CCDC74B: variants seen among roughly 807,000 people sequenced by gnomAD.
The protein encoded by CCDC74B is coiled-coil domain containing 74B, also known as coiled-coil domain-containing protein 74B.
A neutral mutation model predicts 38.0 loss-of-function variants in CCDC74B; 34 were observed. The ratio of observed to expected loss-of-function variants is 0.89; its 90% CI spans 0.68 to 1.19. The LOEUF (loss-of-function observed/expected upper bound fraction) is 1.19. CCDC74B is among the 50% of genes most tolerant of loss of function. The pLI is 0.00. For synonymous variants in CCDC74B, 132 were observed against 170.4 expected (o/e 0.77, Z 1.76); for missense variants, 358 against 406.0 (o/e 0.88, Z 1.02).
Position 130,144,332 on chromosome 2 carries a change from G to A in CCDC74B, c.250+415C>T, listed in dbSNP as rs551474220. On this transcript the variant is annotated intron_variant, in intron 1 of 7. Transcript: ENST00000409943. ...CTTTTTGTATTTTTAGTAGAGACGGGGTTTCACCGTGTTAGCCAGGATGGT... is the reference window on the plus strand; with the variant it reads ...CTTTTTGTATTTTTAGTAGAGACGGAGTTTCACCGTGTTAGCCAGGATGGT... 149 of 655,886 alleles carry A rather than the reference G, an allele frequency of 2.3e-4. 3 individuals are homozygous for A. The highest frequency in any genetic ancestry group is 2.2e-3 in the South Asian group (146 of 64,906). 40.6% of individuals were successfully genotyped at this position (655,886 alleles called of 1,614,324 possible).
In CCDC74B at chr2:130,145,088, G is replaced by C. The variant is rs2104773414; in HGVS notation, c.-92C>G. ...TGGCGCCCCGTCACCATGGAAACCGGGCGACGGAGGGCGCCAGGCGTTTGG... is the reference window on the plus strand; with the variant it reads ...TGGCGCCCCGTCACCATGGAAACCGCGCGACGGAGGGCGCCAGGCGTTTGG... On this transcript the variant is annotated 5_prime_UTR_variant, in exon 1 of 8. Transcript: ENST00000409943. The C allele has an allele frequency of 7.1e-7, 1 of 1,399,788 alleles. No homozygotes were observed. Among genetic ancestry groups the C allele is most frequent in the Admixed American group, 3.5e-5 (1 of 28,904 alleles). 86.7% of individuals were successfully genotyped at this position (1,399,788 alleles called of 1,614,324 possible). A position where few individuals can be genotyped will look rare whatever the true frequency, so the allele number is the denominator to read the frequency against.
rs748850887 is a variant in CCDC74B, at chr2:130,142,152, G to C, written c.327C>G (p.Val109=). The stretch of plus-strand genomic sequence containing the variant: ...GCTCACCTGAATTAGAGATGGACTT[G>C]ACAGACTGGAAGCTTGACGTGGAGA... ...DSLSTSSFQS[V]KSISNSGKAR... is the part of the protein sequence containing the mutation. The change falls in exon 3 of 8, where the codon GTC becomes GTG. Residue 109 remains valine (V), a synonymous_variant. Transcript: ENST00000409943. 2.5e-6 allele frequency: 4 copies of C among 1,613,610 alleles called. No homozygotes were observed. The highest frequency in any genetic ancestry group is 1.3e-5 in the African/African-American group (1 of 74,940).
Position 130,142,179 on chromosome 2 carries a change from G to A in CCDC74B, c.300C>T (p.Ser100=). 1.2e-6 allele frequency: 2 copies of A among 1,613,584 alleles called. No individual in the cohort carries two copies. The highest frequency in any genetic ancestry group is 1.3e-5 in the African/African-American group (1 of 75,022). The change falls in exon 3 of 8, where the codon AGC becomes AGT. Residue 100 remains serine, a synonymous_variant. Transcript: ENST00000409943. ...CAGACTGGAAGCTTGACGTGGAGAG[G>A]CTGTCTGCAGGAGAGCGCACAGTGT... ...IMNQTSQKKD[S]LSTSSFQSVK... is the part of the protein sequence containing the mutation.
intron 3 of CCDC74B, chr2:130,141,838 A>G: frequency 1.7e-6 from 1 of 581,198 alleles, no homozygotes; most frequent in Non-Finnish European, 2.9e-6. Context: ...CAGCCAGGGT[A>G]CGTCCTCCCT....
intron 1 of CCDC74B, among the ~76,000 whole-genome samples, chr2:130,143,734 G>A (rs755452683): frequency 1.1e-4 from 17 of 152,094 alleles, no homozygotes; most frequent in Non-Finnish European, 2.2e-4. Flanking sequence ...GGGAAGCGGG[G>A]TCCTGACAAA....
chr2:130,143,016 G>T, intron 2 of CCDC74B: 1 of 1,496,230 alleles, frequency 6.7e-7, no homozygotes, highest in Non-Finnish European at 8.9e-7. Context: ...GGTCTGGGGA[G>T]CACCCTGTGC....
chr2:130,139,731 C>A (rs2599952), intron 7 of CCDC74B, 41 bp from the exon 8 acceptor site: 10 of 1,611,058 alleles, frequency 6.2e-6, no homozygotes, highest in East Asian at 2.2e-5. Context: ...AGCATCCTCG[C>A]GAGTGGAGTG....
rs1040697006 is a variant in CCDC74B, at chr2:130,141,853, G to A, written c.346+280C>T. 12 of 665,320 alleles carry A rather than the reference G, an allele frequency of 1.8e-5. 1 individual carries two copies. The highest frequency in any genetic ancestry group is 5.5e-5 in the African/African-American group (3 of 54,988). 41.2% of individuals were successfully genotyped at this position (665,320 alleles called of 1,614,324 possible). ...CAGCCAGGGTACGTCCTCCCTAGGC[G>A]GCCACCCGGGGAGGCCCCTCCTGCC... On this transcript the variant is annotated intron_variant, in intron 3 of 7. Transcript: ENST00000409943.
At chr2:130,144,725 C>T (rs1573643578) in intron 1 of CCDC74B, 22 bp downstream of exon 1, 1 of 1,610,152 alleles carries the variant, frequency 6.2e-7, no homozygotes. Context: ...CAGGGCCGGC[C>T]TAGGGCCCCG....
Position 130,140,010 on chromosome 2 carries a change from A to C in CCDC74B, c.752+13T>G. The C allele has an allele frequency of 6.2e-7, 1 of 1,602,636 alleles. No homozygotes were observed. The highest frequency in any genetic ancestry group is 1.1e-5 in the South Asian group (1 of 89,282). ...GCCCCCAGGGATGGGGCAGGGGTGC[A>C]CCAGGCACTCACCTGGGAAAGCTAG... On this transcript the variant is annotated intron_variant, in intron 6 of 7. Coordinates refer to ENST00000409943, the MANE Select transcript of CCDC74B (RefSeq NM_001258307.2).
intron 4 of CCDC74B, chr2:130,140,792 G>C: frequency 3.5e-6 from 1 of 282,104 alleles, no homozygotes. Flanking sequence ...ACTCTGACCT[G>C]CTGGCCTAGT....
intron 3 of CCDC74B, chr2:130,141,696 G>C (rs1421116046): frequency 5.4e-6 from 2 of 367,038 alleles, no homozygotes; most frequent in African/African-American, 4.3e-5. Flanking sequence ...CACAGAGTGG[G>C]GAAAAGAGGC....
At chr2:130,139,750 G>T in intron 7 of CCDC74B, 60 bp from the exon 8 acceptor site, 1 of 1,608,748 alleles carries the variant, frequency 6.2e-7, no homozygotes, top group South Asian at 1.1e-5. Context: ...TGTGTGGGGA[G>T]TGCGGCCTGC....
At chr2:130,144,570 G>T in intron 1 of CCDC74B, 177 bp downstream of exon 1, 1 of 1,550,164 alleles carries the variant, frequency 6.5e-7, no homozygotes, top group Non-Finnish European at 8.7e-7. Flanking sequence ...GGGGCCACGC[G>T]GGTCTCCCTC....
intron 2 of CCDC74B, chr2:130,142,784 C>G (rs758547599): frequency 2.6e-6 from 4 of 1,548,872 alleles, no homozygotes; most frequent in East Asian, 2.4e-5. Context: ...GGAAACAGGA[C>G]TCTGCTTCCT....
In CCDC74B at chr2:130,139,480, G is replaced by A; in HGVS notation, c.*75C>T. ...TTAGCCAGGCCTAAAAGTAGCGGAA[G>A]TGTCAGGAAATGCTATAGAGAGCCA... On this transcript the variant is annotated 3_prime_UTR_variant, in exon 8 of 8. Coordinates refer to ENST00000409943, the MANE Select transcript of CCDC74B (RefSeq NM_001258307.2). 1 of 1,539,738 alleles carries A rather than the reference G, an allele frequency of 6.5e-7. No homozygotes were observed. The highest frequency in any genetic ancestry group is 8.8e-7 in the Non-Finnish European group (1 of 1,138,418).
At chr2:130,143,396 C>G in intron 1 of CCDC74B, 83 bp from the exon 2 acceptor site, 2 of 1,576,920 alleles carry the variant, frequency 1.3e-6, no homozygotes, top group Non-Finnish European at 1.7e-6. Flanking sequence ...CCTCTCCTGG[C>G]TGCTGAGCCC....
chr2:130,142,617 G>A (rs1439601329), intron 2 of CCDC74B: 6 of 1,544,116 alleles, frequency 3.9e-6, no homozygotes, highest in African/African-American at 1.4e-5. Context: ...CCCCAGCTAC[G>A]ATGTTCCCAG....
intron 7 of CCDC74B, 95 bp from the exon 8 acceptor site, chr2:130,139,785 G>A (rs1447934064): frequency 6.2e-7 from 1 of 1,606,876 alleles, no homozygotes; most frequent in African/African-American, 1.3e-5. Context: ...GGCACAGAGA[G>A]GCCTCAGCGA....
Sources: allele counts gnomAD v4.1 joint callset (sites outside exome capture counted in the v4.1 genomes callset), GRCh38; gene constraint gnomAD v4.1.1; transcripts MANE v1.5; gene names NCBI Gene and HGNC (gene_info 2026-07-23, HGNC 2026-07-21).